FARP1: variants seen among roughly 807,000 people sequenced by gnomAD.
FARP1 encodes FERM, ARHGEF and pleckstrin domain-containing protein 1.
A neutral mutation model predicts 128.8 loss-of-function variants in FARP1; 52 were observed. The observed-to-expected ratio is 0.40, with a 90% confidence interval of 0.32 to 0.51. The LOEUF (loss-of-function observed/expected upper bound fraction) is 0.51. Among genes scored for constraint, FARP1 ranks in the 20% least tolerant of loss-of-function variants. The probability of loss-of-function intolerance (pLI) is 0.45; values close to 1 mark genes in which losing one functional copy is unlikely to be tolerated. For synonymous variants in FARP1, 580 were observed against 551.8 expected, an observed-to-expected ratio of 1.05 and a Z score of -0.72; for missense variants, 1,333 against 1,367.9, an observed-to-expected ratio of 0.97 and a Z score of 0.40.
intron 1 of FARP1, among the ~76,000 whole-genome samples, chr13:98,209,230 G>C (rs1339143054): frequency 2.6e-5 from 4 of 151,844 alleles, no homozygotes; most frequent in Admixed American, 6.6e-5. Flanking sequence ...GGATGGTCTC[G>C]ATCTCCTGAC....
intron 2 of FARP1, among the ~76,000 whole-genome samples, chr13:98,220,208 C>T (rs1881335367): frequency 6.6e-6 from 1 of 152,090 alleles, no homozygotes; most frequent in South Asian, 2.1e-4. Flanking sequence ...TCTGATTGTA[C>T]TGATAATGGA....
chr13:98,343,002 C>T (rs780549771), intron 2 of FARP1, among the ~76,000 whole-genome samples: 1 of 150,650 alleles, frequency 6.6e-6, no homozygotes, highest in African/African-American at 2.4e-5. Context: ...CCAGCCTGGG[C>T]AATAAGAGCA....
chr13:98,429,371 C>T (rs1891925990), intron 17 of FARP1, among the ~76,000 whole-genome samples: 1 of 152,128 alleles, frequency 6.6e-6, no homozygotes, highest in Non-Finnish European at 1.5e-5. Context: ...CCAGAGAGGT[C>T]AGAGGGATCC....
intron 1 of FARP1, among the ~76,000 whole-genome samples, chr13:98,201,042 A>C (rs563745790): frequency 1.8e-4 from 28 of 152,298 alleles, no homozygotes; most frequent in African/African-American, 6.0e-4. Flanking sequence ...GGACATTCCA[A>C]TTCTCTTCTA....
chr13:98,365,912 T>TGTGTGTGC (rs1380169573), intron 4 of FARP1, among the ~76,000 whole-genome samples: 5 of 151,734 alleles, frequency 3.3e-5, no homozygotes, highest in Middle Eastern at 3.4e-3. Flanking sequence ...TGTGTGTGTG[T>TGTGTGTGC]GTGTGTTTCT....
At chr13:98,205,604 A>C (rs1290780034) in intron 1 of FARP1, among the ~76,000 whole-genome samples, 1 of 152,104 alleles carries the variant, frequency 6.6e-6, no homozygotes. Flanking sequence ...TGTGTTAGCC[A>C]GGGTGGTCTC....
chr13:98,149,431 T>G (rs1875814245), intron 1 of FARP1, among the ~76,000 whole-genome samples: 1 of 152,206 alleles, frequency 6.6e-6, no homozygotes, highest in African/African-American at 2.4e-5. Context: ...TGAACAAATC[T>G]TTGTGTAGAG....
At chr13:98,388,581 C>G in intron 9 of FARP1, 103 bp downstream of exon 9, 1 of 812,164 alleles carries the variant, frequency 1.2e-6, no homozygotes, top group Non-Finnish European at 2.1e-6. Flanking sequence ...GAACCTCTGG[C>G]CAGTGCTACC....
chr13:98,200,972 A>G (rs1478090039), intron 1 of FARP1, among the ~76,000 whole-genome samples: 1 of 152,218 alleles, frequency 6.6e-6, no homozygotes, highest in East Asian at 1.9e-4. Flanking sequence ...ATACATGTAT[A>G]CAATGTGTAA....
intron 2 of FARP1, among the ~76,000 whole-genome samples, chr13:98,227,462 A>AC (rs1881862423): frequency 2.6e-5 from 4 of 152,094 alleles, no homozygotes; most frequent in Middle Eastern, 3.4e-3. Flanking sequence ...AAAAAAAAAA[A>AC]AAACAGAAAA....
chr13:98,159,172 C>G (rs954021942), intron 1 of FARP1, among the ~76,000 whole-genome samples: 15 of 152,156 alleles, frequency 9.9e-5, no homozygotes, highest in African/African-American at 3.6e-4. Flanking sequence ...GGTGCTATTC[C>G]CACGGCCAGT....
intron 2 of FARP1, among the ~76,000 whole-genome samples, chr13:98,221,906 T>G (rs1403798573): frequency 6.6e-6 from 1 of 152,216 alleles, no homozygotes; most frequent in African/African-American, 2.4e-5. Context: ...ATAAAAACAT[T>G]GCACATATTA....
intron 5 of FARP1, among the ~76,000 whole-genome samples, chr13:98,369,054 T>C (rs1889219383): frequency 6.6e-6 from 1 of 151,902 alleles, no homozygotes; most frequent in African/African-American, 2.4e-5. Context: ...GCCTCCTGAG[T>C]AGCTGGGACT....
chr13:98,295,498 A>G (rs936606258), intron 2 of FARP1, among the ~76,000 whole-genome samples: 3 of 152,216 alleles, frequency 2.0e-5, no homozygotes, highest in Non-Finnish European at 2.9e-5. Context: ...AGATTTGTCA[A>G]TAAGATGACC....
At chr13:98,394,927 C>G (rs1594484678) in intron 12 of FARP1, among the ~76,000 whole-genome samples, 1 of 152,064 alleles carries the variant, frequency 6.6e-6, no homozygotes, top group South Asian at 2.1e-4. Flanking sequence ...CCTGTCTCCC[C>G]CTCCAAAAAA....
chr13:98,308,699 C>T (rs1420088647), intron 2 of FARP1, among the ~76,000 whole-genome samples: 1 of 152,188 alleles, frequency 6.6e-6, no homozygotes. Flanking sequence ...GATGGGGTCT[C>T]ACTCTGCTGG....
At chr13:98,331,140 G>C (rs541135254) in intron 2 of FARP1, among the ~76,000 whole-genome samples, 2 of 152,302 alleles carry the variant, frequency 1.3e-5, no homozygotes, top group African/African-American at 4.8e-5. Flanking sequence ...AAGGAAACTG[G>C]TTGTCTGATA....
intron 2 of FARP1, among the ~76,000 whole-genome samples, chr13:98,264,900 A>G (rs1884032150): frequency 6.6e-6 from 1 of 152,186 alleles, no homozygotes; most frequent in African/African-American, 2.4e-5. Context: ...AGTCTCAGGC[A>G]TTATCCCATT....
intron 2 of FARP1, among the ~76,000 whole-genome samples, chr13:98,304,432 C>T (rs1886050983): frequency 6.6e-6 from 1 of 152,156 alleles, no homozygotes; most frequent in Non-Finnish European, 1.5e-5. Flanking sequence ...TTCATTTATT[C>T]AGTCAGCAGA....
Sources: allele counts gnomAD v4.1 joint callset (sites outside exome capture counted in the v4.1 genomes callset), GRCh38; gene constraint gnomAD v4.1.1; transcripts MANE v1.5; gene names NCBI Gene and HGNC (gene_info 2026-07-23, HGNC 2026-07-21).